MOB3B: variants seen among roughly 807,000 people sequenced by gnomAD.
The protein encoded by MOB3B is MOB kinase activator 3B.
MOB3B carries 7 observed loss-of-function variants against 18.7 expected under a neutral mutation model. The ratio of observed to expected loss-of-function variants is 0.37; its 90% CI spans 0.21 to 0.70. The LOEUF (loss-of-function observed/expected upper bound fraction) is 0.70, where lower values mean the gene tolerates loss of function less well. MOB3B is among the 30% of genes least tolerant of loss of function. The pLI, the probability that MOB3B is intolerant of heterozygous loss-of-function variation, is 0.52. For missense variants in MOB3B, 253 were observed against 281.3 expected, an observed-to-expected ratio of 0.90 and a Z score of 0.72; for synonymous variants, 111 against 99.9, an observed-to-expected ratio of 1.11 and a Z score of -0.66.
At chr9:27,513,906 T>C (rs905022820) in intron 1 of MOB3B, among the ~76,000 whole-genome samples, 3 of 974 alleles carry the variant, frequency 3.1e-3, no homozygotes, top group Admixed American at 0.032. Flanking sequence ...GATGGATGGA[T>C]GGATGGATGG....
chr9:27,524,407 G>T, intron 1 of MOB3B: 1 of 1,613,990 alleles, frequency 6.2e-7, no homozygotes, highest in Non-Finnish European at 8.5e-7. Context: ...TTCATTGCTG[G>T]CACCCTATCC....
chr9:27,375,124 T>C (rs1178284780), intron 2 of MOB3B, among the ~76,000 whole-genome samples: 3 of 152,224 alleles, frequency 2.0e-5, no homozygotes, highest in Non-Finnish European at 4.4e-5. Flanking sequence ...CACTTTTGTT[T>C]TGTAAGGCCA....
intron 2 of MOB3B, chr9:27,421,852 T>G (rs1310654867): frequency 6.6e-6 from 1 of 152,274 alleles, no homozygotes; most frequent in African/African-American, 2.4e-5. Flanking sequence ...CTTTCTTTTC[T>G]GCCCCTACTG....
In MOB3B at chr9:27,359,169, A is replaced by G; in HGVS notation, c.486T>C (p.Phe162=). The G allele has an allele frequency of 6.2e-7, 1 of 1,614,198 alleles. No homozygotes were observed. Among genetic ancestry groups the G allele is most frequent in the Non-Finnish European group, 8.5e-7 (1 of 1,180,040 alleles). Residue 162 remains phenylalanine (F), a synonymous_variant, in exon 3 of 4, where the codon TTT becomes TTC. Transcript: ENST00000262244. ...KKILCRLFRV[F]VHVYIHHFDR... Reference sequence around the variant, plus strand: ...CGAAGTGGTGGATATAGACGTGGACAAAGACCCGGAAAAGGCGGCACAGGA... The same window carrying G: ...CGAAGTGGTGGATATAGACGTGGACGAAGACCCGGAAAAGGCGGCACAGGA...
intron 2 of MOB3B, among the ~76,000 whole-genome samples, chr9:27,427,858 C>A (rs943983591): frequency 1.3e-5 from 2 of 152,126 alleles, no homozygotes; most frequent in African/African-American, 4.8e-5. Flanking sequence ...GCTTCCCTCC[C>A]TCCTAGGTCA....
In MOB3B at chr9:27,367,641, C is replaced by T. The variant is rs940472913; in HGVS notation, c.419-8405G>A. ...ATGAGAAGCACAGCACCAGCAGGCA[C>T]ACAGAAGGCATCTGGCAAATGGCAG... On this transcript the variant is annotated intron_variant, in intron 2 of 3. Coordinates refer to ENST00000262244, the MANE Select transcript of MOB3B (RefSeq NM_024761.5). 2.6e-5 allele frequency among the ~76,000 whole-genome samples: 4 copies of T among 152,182 alleles called. No homozygotes were observed. The East Asian group carries it at 5.8e-4, about 22-fold the overall frequency.
chr9:27,355,269 G>A (rs1240526626), intron 3 of MOB3B, among the ~76,000 whole-genome samples: 2 of 151,702 alleles, frequency 1.3e-5, no homozygotes, highest in African/African-American at 4.9e-5. Context: ...ATGAGGTGGT[G>A]GGGGGGTCTC....
At chr9:27,416,544 ATTTTTTTTTT>A (rs559806304) in intron 2 of MOB3B, among the ~76,000 whole-genome samples, 26 of 121,418 alleles carry the variant, frequency 2.1e-4, no homozygotes, top group African/African-American at 3.2e-4. Context: ...TTTCTTTTTA[ATTTTTTTTTT>A]TTTTTTTTTT....
At chr9:27,333,723 G>A (rs762682859) in intron 3 of MOB3B, among the ~76,000 whole-genome samples, 2 of 152,218 alleles carry the variant, frequency 1.3e-5, no homozygotes, top group Non-Finnish European at 2.9e-5. Context: ...AATCTTGGTT[G>A]TGGTCACTCG....
intron 2 of MOB3B, among the ~76,000 whole-genome samples, chr9:27,363,409 C>T (rs942614097): frequency 1.3e-5 from 2 of 152,000 alleles, no homozygotes; most frequent in African/African-American, 4.8e-5. Flanking sequence ...GCTGGGACTA[C>T]AGGCGCCCGC....
intron 3 of MOB3B, among the ~76,000 whole-genome samples, chr9:27,344,215 G>C (rs1261312247): frequency 6.6e-6 from 1 of 152,178 alleles, no homozygotes. Flanking sequence ...CCTCATAGGA[G>C]TTTTGAAAGA....
intron 1 of MOB3B, among the ~76,000 whole-genome samples, chr9:27,522,667 A>G (rs1403643483): frequency 6.6e-6 from 1 of 151,840 alleles, no homozygotes; most frequent in African/African-American, 2.4e-5. Flanking sequence ...ACTTCCTTAC[A>G]GCTAAGTCTT....
At chr9:27,498,731 G>C (rs1476217869) in intron 1 of MOB3B, among the ~76,000 whole-genome samples, 1 of 152,220 alleles carries the variant, frequency 6.6e-6, no homozygotes, top group Non-Finnish European at 1.5e-5. Context: ...ATGCACCATT[G>C]AAAGGGGAAA....
At chr9:27,370,315 C>T (rs368721408) in intron 2 of MOB3B, among the ~76,000 whole-genome samples, 1 of 152,054 alleles carries the variant, frequency 6.6e-6, no homozygotes, top group Non-Finnish European at 1.5e-5. Flanking sequence ...TCAAGACCGG[C>T]CTGACCAACA....
In MOB3B at chr9:27,468,877, C is replaced by T. The variant is rs190322303; in HGVS notation, c.-198-13129G>A. 5.6e-4 allele frequency among the ~76,000 whole-genome samples: 86 copies of T among 152,312 alleles called. 1 individual carries two copies. Among genetic ancestry groups the T allele is most frequent in the African/African-American group, 2.0e-3 (84 of 41,564 alleles). ...TTCATGCAAAGATCAACAGTGGCTA[C>T]TGGACATGATGTTTCCCAGGCCAAT... On this transcript the variant is annotated intron_variant, in intron 1 of 3. Transcript: ENST00000262244.
At chr9:27,505,774 C>G (rs1563885401) in intron 1 of MOB3B, among the ~76,000 whole-genome samples, 1 of 152,150 alleles carries the variant, frequency 6.6e-6, no homozygotes, top group South Asian at 2.1e-4. Context: ...CCTGAAACTG[C>G]CTATTGACTC....
Position 27,529,802 on chromosome 9 carries a change from C to A in MOB3B, c.-446G>T, listed in dbSNP as rs1013763617. On this transcript the variant is annotated 5_prime_UTR_variant, in exon 1 of 4. Coordinates refer to ENST00000262244, the MANE Select transcript of MOB3B (RefSeq NM_024761.5). ...TGCACCCAGCGCGCCGCGCAGCCGG[C>A]CGGGGCTCGACTGTCTCGCGGGGAC... 9 of 985,258 alleles carry A rather than the reference C, an allele frequency of 9.1e-6. No homozygotes were observed. Among genetic ancestry groups the A allele is most frequent in the Non-Finnish European group, 1.1e-5 (9 of 829,924 alleles). The allele number at this position is 985,258 out of a possible 1,614,324, so 61.0% of individuals were successfully genotyped here.
At chr9:27,337,727 A>T (rs1415777210) in intron 3 of MOB3B, among the ~76,000 whole-genome samples, 1 of 152,206 alleles carries the variant, frequency 6.6e-6, no homozygotes, top group Non-Finnish European at 1.5e-5. Flanking sequence ...AGACAGGGAC[A>T]GCAATCAGTG....
intron 1 of MOB3B, among the ~76,000 whole-genome samples, chr9:27,471,298 T>C (rs540450765): frequency 1.3e-5 from 2 of 151,944 alleles, no homozygotes; most frequent in Non-Finnish European, 2.9e-5. Flanking sequence ...ATCTGAAGAG[T>C]TGTATTTCCA....
Sources: allele counts gnomAD v4.1 joint callset (sites outside exome capture counted in the v4.1 genomes callset), GRCh38; gene constraint gnomAD v4.1.1; transcripts MANE v1.5; gene names NCBI Gene and HGNC (gene_info 2026-07-23, HGNC 2026-07-21).